The following CD5 variants were observed in gnomAD, a reference collection of about 807,000 sequenced individuals.
The protein encoded by CD5 is CD5 molecule.
A neutral mutation model predicts 60.3 loss-of-function variants in CD5; 36 were observed. The ratio of observed to expected loss-of-function variants is 0.60; its 90% CI spans 0.46 to 0.79. CD5 has a LOEUF of 0.79. CD5 is among the 30% of genes least tolerant of loss of function. CD5 has a pLI of 0.00. For missense variants in CD5, 540 were observed against 630.6 expected (o/e 0.86, Z 1.54); for synonymous variants, 230 against 257.6 (o/e 0.89, Z 1.03).
At chr11:61,103,772 G>A (rs921454566) in intron 1 of CD5, among the ~76,000 whole-genome samples, 2 of 134,226 alleles carry the variant, frequency 1.5e-5, no homozygotes, top group African/African-American at 5.8e-5. Flanking sequence ...GGGCATGTGT[G>A]TGAGTACTGT....
the CD5 span, among the ~76,000 whole-genome samples, chr11:61,094,122 C>G: frequency 6.6e-6 from 1 of 152,102 alleles, no homozygotes; most frequent in Admixed American, 6.5e-5. Flanking sequence ...CAGCTTAGGC[C>G]TGCCTTGTGG....
At position 61,121,739 on chromosome 11, in the gene CD5, T is replaced by TGGGAGGAGGTGTGCC; in HGVS notation, c.940_954dup (p.Glu314_Glu318dup). ...CTCTTCAGCCAGGAGCTCGCTGCGG[T>TGGGAGGAGGTGTGCC]GGGAGGAGGTGTGCCGGGAGCAGCA... On this transcript the variant is annotated inframe_insertion, in exon 6 of 11. Transcript: ENST00000347785. 1 of 1,610,528 alleles carries TGGGAGGAGGTGTGCC rather than the reference T, an allele frequency of 6.2e-7. No homozygotes were observed. The highest frequency in any genetic ancestry group is 8.5e-7 in the Non-Finnish European group (1 of 1,177,674).
the CD5 span, among the ~76,000 whole-genome samples, chr11:61,096,683 A>G: frequency 6.6e-6 from 1 of 152,222 alleles, no homozygotes; most frequent in Non-Finnish European, 1.5e-5. Context: ...TACCAGCAAC[A>G]GGAGTTATCA....
At chr11:61,094,393 A>G in the CD5 span, among the ~76,000 whole-genome samples, 61,578 of 151,784 alleles carry the variant, frequency 0.41, 13,861 homozygotes, top group East Asian at 0.92. Flanking sequence ...TGCCTTTATC[A>G]GCACTTTGGT....
At chr11:61,116,597 CACCACACACCACACACAT>C (rs1860957641) in intron 2 of CD5, among the ~76,000 whole-genome samples, 1 of 60,568 alleles carries the variant, frequency 1.7e-5, no homozygotes, top group African/African-American at 6.2e-5. Context: ...GCACACTACA[CACCACACACCACACACAT>C]ACCACACACA....
chr11:61,110,053 C>G (rs995242069), intron 1 of CD5, among the ~76,000 whole-genome samples: 5 of 152,046 alleles, frequency 3.3e-5, no homozygotes, highest in Non-Finnish European at 7.4e-5. Context: ...GTAGAGCCCC[C>G]AGAGGGGGTC....
intron 7 of CD5, 72 bp from the exon 8 acceptor site, chr11:61,123,812 T>TGCCC: frequency 5.9e-6 from 2 of 339,974 alleles, no homozygotes; most frequent in Non-Finnish European, 5.5e-6. Context: ...CCCAGCCCCA[T>TGCCC]CCCCACCCCT....
intron 1 of CD5, among the ~76,000 whole-genome samples, chr11:61,109,089 C>G (rs58425276): frequency 0.036 from 5,421 of 152,218 alleles, 270 homozygotes; most frequent in African/African-American, 0.12. Flanking sequence ...TGAATTCTGG[C>G]CCTGCCGAGT....
At chr11:61,116,689 C>A (rs570357275) in intron 2 of CD5, among the ~76,000 whole-genome samples, 2 of 134,386 alleles carry the variant, frequency 1.5e-5, no homozygotes, top group African/African-American at 2.8e-5. Context: ...CTACACACAC[C>A]ACATACACAC....
chr11:61,125,096 C>CGTGGATA lies in CD5; in HGVS notation c.1345_1351dup (p.Asn451SerfsTer3). On this transcript the variant is annotated frameshift_variant, in exon 9 of 11. Coordinates refer to ENST00000347785, the MANE Select transcript of CD5 (RefSeq NM_014207.4). LOFTEE classifies it high-confidence loss of function. Reference sequence around the variant, plus strand: ...ATGCTGAGAACCCCACAGCCTCCCACGTGGATAACGAATACAGCCAACCTC... The same window carrying CGTGGATA: ...ATGCTGAGAACCCCACAGCCTCCCACGTGGATAGTGGATAACGAATACAGCCAACCTC... The CGTGGATA allele has an allele frequency of 6.2e-7, 1 of 1,614,070 alleles. No homozygotes were observed. Among genetic ancestry groups the CGTGGATA allele is most frequent in the South Asian group, 1.1e-5 (1 of 91,076 alleles).
At chr11:61,097,241 A>C in the CD5 span, among the ~76,000 whole-genome samples, 1 of 152,198 alleles carries the variant, frequency 6.6e-6, no homozygotes, top group African/African-American at 2.4e-5. Context: ...GGCCATGGGA[A>C]GCCCAAGAAT....
At position 61,127,811 on chromosome 11, in the gene CD5, T is replaced by C. The variant is rs907821465; in HGVS notation, c.*1526T>C. Reference sequence around the variant, plus strand: ...TGGCCTCAAAGCAACCATGGCCTACTTAAAAACCAAACCAAAAATAAAGAG... The same window carrying C: ...TGGCCTCAAAGCAACCATGGCCTACCTAAAAACCAAACCAAAAATAAAGAG... On this transcript the variant is annotated 3_prime_UTR_variant, in exon 11 of 11. Coordinates refer to ENST00000347785, the MANE Select transcript of CD5 (RefSeq NM_014207.4). 6.6e-6 allele frequency: 1 copy of C among 152,208 alleles called. No homozygotes were observed. The highest frequency in any genetic ancestry group is 2.4e-5 in the African/African-American group (1 of 41,448). The allele number at this position is 152,208 out of a possible 1,614,324, so 9.4% of individuals were successfully genotyped here.
At chr11:61,106,831 TA>T (rs1240541225) in intron 1 of CD5, among the ~76,000 whole-genome samples, 1 of 152,108 alleles carries the variant, frequency 6.6e-6, no homozygotes, top group Non-Finnish European at 1.5e-5. Context: ...GTCTCATCTA[TA>T]AAAATAGGGG....
chr11:61,104,334 A>G (rs12276572), intron 1 of CD5, among the ~76,000 whole-genome samples: 4,987 of 152,222 alleles, frequency 0.033, 272 homozygotes, highest in African/African-American at 0.11. Context: ...TTCTGTCCCA[A>G]AGTAAGAGGC....
rs1565185576 is a variant in CD5 at position 61,118,132 on chromosome 11, A to T, written c.95-43A>T. 1.3e-6 allele frequency: 2 copies of T among 1,582,210 alleles called. No homozygotes were observed. Among genetic ancestry groups the T allele is most frequent in the South Asian group, 2.3e-5 (2 of 86,830 alleles). ...GGGCAGTGAGGGGTGCCAGTGGGGA[A>T]CCCCTCCCAGCCTGACCCCCACCAC... On this transcript the variant is annotated intron_variant, in intron 2 of 10. Coordinates refer to ENST00000347785, the MANE Select transcript of CD5 (RefSeq NM_014207.4). The surrounding 1 kb of genome is among the most constrained non-coding windows in gnomAD (Gnocchi z 4.7).
At chr11:61,120,984 C>A (rs1435064156) in intron 5 of CD5, among the ~76,000 whole-genome samples, 1 of 152,238 alleles carries the variant, frequency 6.6e-6, no homozygotes, top group Non-Finnish European at 1.5e-5. Flanking sequence ...TCTCTCTAAA[C>A]TGAGCATGTG....
At chr11:61,099,924 T>TCA (rs201142207), upstream of CD5, among the ~76,000 whole-genome samples, 11 of 136,218 alleles carry the variant, frequency 8.1e-5, no homozygotes, top group African/African-American at 1.2e-4. Flanking sequence ...AACATGGAGA[T>TCA]CACACACACA....
Position 61,118,966 on chromosome 11 carries a change from C to T in CD5, c.452C>T (p.Pro151Leu), listed in dbSNP as rs778763704. The change falls in exon 4 of 11, where the codon CCA becomes CTA. Residue 151 changes from proline (P) to leucine (L), a missense_variant. By Grantham distance (98) the Pro-to-Leu change is moderately conservative. Transcript: ENST00000347785. The surrounding 1 kb of genome is among the most constrained non-coding windows in gnomAD (Gnocchi z 4.7). The part of the protein sequence containing the change: ...PTTRPPPTTT[P>L]EPTAPPRLQL... ...ACAAGGCCCCCGCCCACCACAACTCCAGAGCCCACAGGTAAGAGGATTCTG... is the reference window on the plus strand; with the variant it reads ...ACAAGGCCCCCGCCCACCACAACTCTAGAGCCCACAGGTAAGAGGATTCTG... 6.2e-7 allele frequency: 1 copy of T among 1,613,732 alleles called. No individual in the cohort carries two copies. Among genetic ancestry groups the T allele is most frequent in the South Asian group, 1.1e-5 (1 of 91,058 alleles).
At position 61,126,411 on chromosome 11, in the gene CD5, C is replaced by A. The variant is rs1861149530; in HGVS notation, c.*126C>A. The A allele has an allele frequency of 6.6e-6, 1 of 152,308 alleles. No individual in the cohort carries two copies. Among genetic ancestry groups the A allele is most frequent in the Admixed American group, 6.5e-5 (1 of 15,288 alleles). 9.4% of individuals were successfully genotyped at this position (152,308 alleles called of 1,614,324 possible). On this transcript the variant is annotated 3_prime_UTR_variant, in exon 11 of 11. Coordinates refer to ENST00000347785, the MANE Select transcript of CD5 (RefSeq NM_014207.4). ...CCAGAACATGGACAGAGGCCAGAAG[C>A]CTTCCGGACAGGCGCTGCTGCCCCG...
Sources: gnomAD v4.1 joint callset for allele counts (sites outside exome capture counted in the v4.1 genomes callset) on GRCh38, gnomAD v4.1.1 for gene constraint, Gnocchi (gnomAD v3.1) non-coding constraint, MANE v1.5 for transcripts, NCBI Gene and HGNC (gene_info 2026-07-23, HGNC 2026-07-21) for gene names.